Variants in XPO1 observed in about 807,000 individuals in gnomAD.
The protein encoded by XPO1 is exportin 1, also known as exportin-1.
XPO1 carries 5 observed loss-of-function variants against 133.3 expected under a neutral mutation model. That is an observed-to-expected ratio of 0.04 (90% CI 0.02 to 0.08). The LOEUF (loss-of-function observed/expected upper bound fraction) is 0.08, where lower values mean the gene tolerates loss of function less well. Ranked by LOEUF, XPO1 falls within the 10% of genes least tolerant of loss-of-function variation. The probability of loss-of-function intolerance (pLI) is 1.00; values close to 1 mark genes in which losing one functional copy is unlikely to be tolerated. For synonymous variants in XPO1, 419 were observed against 408.2 expected (o/e 1.03, Z -0.32); for missense variants, 506 against 1,267.5 (o/e 0.40, Z 9.12).
rs571060116 is a variant in XPO1, at chr2:61,526,534, T to TA, written c.127-14dup. On this transcript the variant is annotated splice_polypyrimidine_tract_variant and intron_variant, in intron 2 of 24. Transcript: ENST00000401558. ...GAGCCATTCTTTGCTAAAATATTAT[T>TA]AAAAAAAACAAAACTTAAGCTAATG... is the stretch of plus-strand genomic sequence containing the variant. 252 of 1,541,544 alleles carry TA rather than the reference T, an allele frequency of 1.6e-4. No homozygotes were observed. The East Asian group carries it at 3.6e-3, about 22-fold the overall frequency.
chr2:61,488,459 T>C (rs557941944), intron 18 of XPO1, 129 bp downstream of exon 18: 1 of 1,157,144 alleles, frequency 8.6e-7, no homozygotes, highest in Non-Finnish European at 1.2e-6. Context: ...GTTTTAAATA[T>C]GTCTAGGGTC....
At chr2:61,486,032 A>G in intron 19 of XPO1, 70 bp from the exon 20 acceptor site, 1 of 1,363,272 alleles carries the variant, frequency 7.3e-7, no homozygotes, top group East Asian at 2.5e-5. Context: ...CAACAAGGTT[A>G]TTCCTGTCTA....
intron 4 of XPO1, among the ~76,000 whole-genome samples, chr2:61,508,032 A>T (rs1697912917): frequency 6.6e-6 from 1 of 152,022 alleles, no homozygotes; most frequent in African/African-American, 2.4e-5. Context: ...CCAAGACCCT[A>T]TTCTTCTCAA....
chr2:61,508,071 T>C (rs1697914158), intron 4 of XPO1, among the ~76,000 whole-genome samples: 1 of 151,676 alleles, frequency 6.6e-6, no homozygotes, highest in African/African-American at 2.4e-5. Context: ...ACATCCAAAG[T>C]TGGTAGGTCA....
chr2:61,532,506 C>G (rs1000631995), intron 2 of XPO1, among the ~76,000 whole-genome samples: 5 of 151,818 alleles, frequency 3.3e-5, no homozygotes, highest in Non-Finnish European at 5.9e-5. Context: ...GAACATTTAT[C>G]TAACCAGAAA....
intron 4 of XPO1, among the ~76,000 whole-genome samples, chr2:61,504,548 T>A (rs967626957): frequency 2.0e-5 from 3 of 152,222 alleles, no homozygotes; most frequent in African/African-American, 7.2e-5. Context: ...TTCATTTTCA[T>A]AGCGTTCAGA....
rs960577741 is a variant in XPO1 at position 61,488,248 on chromosome 2, A to G, written c.2230T>C (p.Leu744=). The G allele has an allele frequency of 1.9e-6, 3 of 1,613,910 alleles. No individual in the cohort carries two copies. Among genetic ancestry groups the G allele is most frequent in the African/African-American group, 2.7e-5 (2 of 75,040 alleles). The part of the protein sequence containing the change: ...ANGEMVTKQP[L]IRSMRTVKRE... ...TTTACAGTTCGCATACTTCTAATCA[A>G]TGGTTGCTTTGTAACCATTTCACCT... Residue 744 remains leucine (L), a synonymous_variant, in exon 19 of 25, where the codon TTG becomes CTG. Transcript: ENST00000401558.
rs1697051996 is a variant in XPO1, at chr2:61,492,644, A to G, written c.1489T>C (p.Leu497=). 3.7e-6 allele frequency: 6 copies of G among 1,613,798 alleles called. No individual in the cohort carries two copies. In the African/African-American group the frequency reaches 8.0e-5, roughly 22 times the overall value. Reference sequence around the variant, plus strand: ...CTAATGGAGCCTATTGCCCAACACAATGTATTCAAATTTTTCCATGACCAC... The same window carrying G: ...CTAATGGAGCCTATTGCCCAACACAGTGTATTCAAATTTTTCCATGACCAC... ...TEWSWKNLNT[L]CWAIGSISGA... is the part of the protein sequence containing the mutation. Residue 497 remains leucine, a synonymous_variant, in exon 14 of 25, where the codon TTG becomes CTG. Transcript: ENST00000401558. This position sits in a 1 kb window ranked among gnomAD's most constrained non-coding sequence, Gnocchi z 5.6.
At chr2:61,501,462 CTATAATCCCAGCACTTTGGGAGG>C (rs573760420) in intron 6 of XPO1, among the ~76,000 whole-genome samples, 102 of 152,102 alleles carry the variant, frequency 6.7e-4, no homozygotes, top group African/African-American at 2.3e-3. Flanking sequence ...CGGCTCACAC[CTATAATCCCAGCACTTTGGGAGG>C]TCGAGGTGGG....
chr2:61,538,262 G>A lies in XPO1; in HGVS notation c.-707C>T. ...AGCCGCTTCTCCCCCTCCTCCTAGT[G>A]CCTCAAACTCGGAACCGGTTGAAAC... On this transcript the variant is annotated 5_prime_UTR_variant, in exon 1 of 25. Transcript: ENST00000401558. 1 of 158,546 alleles carries A rather than the reference G, an allele frequency of 6.3e-6. No individual in the cohort carries two copies. Among genetic ancestry groups the A allele is most frequent in the Non-Finnish European group, 1.4e-5 (1 of 71,986 alleles). 9.8% of individuals were successfully genotyped at this position (158,546 alleles called of 1,614,324 possible).
At position 61,529,320 on chromosome 2, in the gene XPO1, C is replaced by T. The variant is rs528730770; in HGVS notation, c.127-2799G>A. On this transcript the variant is annotated intron_variant, in intron 2 of 24. Transcript: ENST00000401558. ...TCACAACCATTTCTGACAAAGATAC[C>T]TTATAATCTTTAGCTTGGCTTTTAT... is the stretch of plus-strand genomic sequence containing the variant. 2.8e-4 allele frequency among the ~76,000 whole-genome samples: 42 copies of T among 152,284 alleles called. No individual in the cohort carries two copies. The East Asian group carries it at 7.7e-3, about 28-fold the overall frequency.
chr2:61,525,814 T>C (rs910104276), intron 3 of XPO1: 32 of 1,038,836 alleles, frequency 3.1e-5, no homozygotes, highest in Non-Finnish European at 3.5e-5. Flanking sequence ...GTATATCAAG[T>C]GGAAACCTTT....
chr2:61,482,576 A>AAT, intron 22 of XPO1, 37 bp from the exon 23 acceptor site: 1 of 1,513,600 alleles, frequency 6.6e-7, no homozygotes, highest in Non-Finnish European at 8.9e-7. Flanking sequence ...TCCAAAATGT[A>AAT]ATATAACTAT....
At chr2:61,515,612 CA>C in intron 4 of XPO1, among the ~76,000 whole-genome samples, 1 of 152,162 alleles carries the variant, frequency 6.6e-6, no homozygotes, top group Admixed American at 6.5e-5. Flanking sequence ...AACCTTGCAA[CA>C]CAAACTGAAA....
intron 3 of XPO1, 71 bp from the exon 4 acceptor site, chr2:61,522,754 G>A (rs2104753252): frequency 3.7e-6 from 4 of 1,089,028 alleles, no homozygotes; most frequent in South Asian, 1.3e-5. Context: ...ATTCACAAAT[G>A]GACAGACATT....
At chr2:61,513,715 AT>A (rs1370448352) in intron 4 of XPO1, among the ~76,000 whole-genome samples, 1 of 152,224 alleles carries the variant, frequency 6.6e-6, no homozygotes, top group African/African-American at 2.4e-5. Context: ...AGAAAAAAAA[AT>A]CAACACTGAT....
intron 2 of XPO1, among the ~76,000 whole-genome samples, chr2:61,530,499 T>A (rs1037572491): frequency 7.2e-5 from 11 of 152,188 alleles, no homozygotes; most frequent in Admixed American, 5.2e-4. Flanking sequence ...TTCAAGATCT[T>A]TAACAGAACA....
chr2:61,527,326 A>AG (rs1330746221), intron 2 of XPO1, among the ~76,000 whole-genome samples: 1 of 150,948 alleles, frequency 6.6e-6, no homozygotes, highest in African/African-American at 2.4e-5. Flanking sequence ...CTCTCCAAAA[A>AG]AAAAAAAAAA....
chr2:61,536,609 T>C (rs1418871205), intron 1 of XPO1: 2 of 152,272 alleles, frequency 1.3e-5, no homozygotes, highest in African/African-American at 2.4e-5. Flanking sequence ...GCCCGCTTCA[T>C]TCAGGAAAAA....
Sources: allele counts gnomAD v4.1 joint callset (sites outside exome capture counted in the v4.1 genomes callset), GRCh38; gene constraint gnomAD v4.1.1; non-coding constraint Gnocchi (gnomAD v3.1); transcripts MANE v1.5; gene names NCBI Gene and HGNC (gene_info 2026-07-23, HGNC 2026-07-21).